Variants in PIP4K2A observed in about 807,000 individuals in gnomAD.
The protein encoded by PIP4K2A is phosphatidylinositol-5-phosphate 4-kinase type 2 alpha, also known as phosphatidylinositol 5-phosphate 4-kinase type-2 alpha.
Under a neutral mutation model 42.9 loss-of-function variants are expected in PIP4K2A, and 14 were observed. The ratio of observed to expected loss-of-function variants is 0.33; its 90% CI spans 0.22 to 0.51. The LOEUF (loss-of-function observed/expected upper bound fraction) is 0.51, where lower values mean the gene tolerates loss of function less well. Ranked by LOEUF, PIP4K2A falls within the 20% of genes least tolerant of loss-of-function variation. The probability of loss-of-function intolerance (pLI) is 0.97; values close to 1 mark genes in which losing one functional copy is unlikely to be tolerated. For missense variants in PIP4K2A, 434 were observed against 519.8 expected (o/e 0.83, Z 1.61); for synonymous variants, 192 against 192.2 (o/e 1.00, Z 0.01).
Position 22,602,427 on chromosome 10 carries a change from GAAAGAA to G in PIP4K2A, c.339+5494_339+5499del, listed in dbSNP as rs751658470. On this transcript the variant is annotated intron_variant, in intron 3 of 9. Coordinates refer to ENST00000376573, the MANE Select transcript of PIP4K2A (RefSeq NM_005028.5). Reference sequence around the variant, plus strand: ...AAAAAAGAAAAGAAAAGAAAAGAAAGAAAGAAAAAGAAAAAAGAAAAGAAAAGAAAA... The same window carrying G: ...AAAAAAGAAAAGAAAAGAAAAGAAAGAAAGAAAAAAGAAAAGAAAAGAAAA... 8.6e-4 allele frequency among the ~76,000 whole-genome samples: 130 copies of G among 150,458 alleles called. 1 individual carries two copies. In the Middle Eastern group the frequency reaches 0.021, roughly 24 times the overall value.
At chr10:22,702,954 T>C (rs1024623492) in intron 1 of PIP4K2A, among the ~76,000 whole-genome samples, 3 of 152,182 alleles carry the variant, frequency 2.0e-5, no homozygotes, top group Admixed American at 2.0e-4. Context: ...GCAATAAAAA[T>C]GTACACAACT....
chr10:22,663,285 G>T (rs1015877318), intron 1 of PIP4K2A, among the ~76,000 whole-genome samples: 1 of 152,300 alleles, frequency 6.6e-6, no homozygotes, highest in East Asian at 1.9e-4. Flanking sequence ...GTAGTAAATC[G>T]AGGCTTAGTT....
chr10:22,584,959 C>T (rs540516651), intron 4 of PIP4K2A, among the ~76,000 whole-genome samples: 1 of 152,142 alleles, frequency 6.6e-6, no homozygotes, highest in African/African-American at 2.4e-5. Flanking sequence ...CTGTCACTCA[C>T]CGGGGGCACA....
At chr10:22,654,551 C>T (rs1349665965) in intron 1 of PIP4K2A, among the ~76,000 whole-genome samples, 3 of 152,060 alleles carry the variant, frequency 2.0e-5, no homozygotes, top group African/African-American at 7.2e-5. Context: ...TTAATAAGAC[C>T]AAACAGTGCT....
chr10:22,542,103 T>G, intron 7 of PIP4K2A, 56 bp from the exon 8 acceptor site: 1 of 1,496,598 alleles, frequency 6.7e-7, no homozygotes, highest in South Asian at 1.3e-5. Context: ...AAAGCCAACA[T>G]TTAAAGGAGA....
rs556910455 is a variant in PIP4K2A, at chr10:22,664,193, A to G, written c.144+49990T>C. On this transcript the variant is annotated intron_variant, in intron 1 of 9. Transcript: ENST00000376573. ...CATATATATATATACATATATATAC[A>G]TATATATATACATATATATATATAC... 1.6e-3 allele frequency among the ~76,000 whole-genome samples: 104 copies of G among 65,678 alleles called. 4 individuals carry two copies. Among genetic ancestry groups the G allele is most frequent in the African/African-American group, 3.4e-3 (29 of 8,576 alleles). 43.1% of individuals were successfully genotyped at this position (65,678 alleles called of 152,430 possible).
intron 9 of PIP4K2A, among the ~76,000 whole-genome samples, chr10:22,538,803 G>A (rs940960700): frequency 7.2e-6 from 1 of 138,498 alleles, no homozygotes; most frequent in Non-Finnish European, 1.6e-5. Flanking sequence ...GTGCTCGGGG[G>A]CGGTGAGGTC....
In PIP4K2A at chr10:22,692,217, C is replaced by G. The variant is rs144090575; in HGVS notation, c.144+21966G>C. On this transcript the variant is annotated intron_variant, in intron 1 of 9. Coordinates refer to ENST00000376573, the MANE Select transcript of PIP4K2A (RefSeq NM_005028.5). Reference sequence around the variant, plus strand: ...TTAGATTTTCATAAGGAGTGAGTAACCTAGATTGCTCACGTGTGCAGTTCA... The same window carrying G: ...TTAGATTTTCATAAGGAGTGAGTAAGCTAGATTGCTCACGTGTGCAGTTCA... Among the ~76,000 whole-genome samples the G allele has an allele frequency of 1.7e-3, 251 of 151,814 alleles. 2 individuals carry two copies. The highest frequency in any genetic ancestry group is 5.8e-3 in the African/African-American group (242 of 41,372).
chr10:22,606,665 T>C (rs1333514007), intron 3 of PIP4K2A, among the ~76,000 whole-genome samples: 1 of 152,214 alleles, frequency 6.6e-6, no homozygotes, highest in Non-Finnish European at 1.5e-5. Flanking sequence ...GACCCTATTC[T>C]TCAGAGGAAA....
chr10:22,613,054 A>C (rs926768564), intron 1 of PIP4K2A, among the ~76,000 whole-genome samples: 4 of 152,182 alleles, frequency 2.6e-5, no homozygotes, highest in Admixed American at 2.6e-4. Flanking sequence ...CCATCGAGGC[A>C]GGAAGTGAAA....
At chr10:22,653,809 G>A (rs1221462995) in intron 1 of PIP4K2A, among the ~76,000 whole-genome samples, 1 of 152,176 alleles carries the variant, frequency 6.6e-6, no homozygotes, top group Non-Finnish European at 1.5e-5. Context: ...AGAAGGCGGA[G>A]GTTGCAGTGA....
At chr10:22,557,808 GA>G (rs1322384262) in intron 6 of PIP4K2A, among the ~76,000 whole-genome samples, 10 of 152,208 alleles carry the variant, frequency 6.6e-5, no homozygotes, top group Admixed American at 6.5e-4. Context: ...ACTGGAAATA[GA>G]AAATACATGA....
At chr10:22,538,682 G>C (rs1032660323) in intron 9 of PIP4K2A, among the ~76,000 whole-genome samples, 1 of 152,222 alleles carries the variant, frequency 6.6e-6, no homozygotes, top group African/African-American at 2.4e-5. Flanking sequence ...TCCTGAACTG[G>C]CCTCAGAAAT....
chr10:22,704,294 CA>C (rs1035498846), intron 1 of PIP4K2A, among the ~76,000 whole-genome samples: 3 of 149,860 alleles, frequency 2.0e-5, no homozygotes, highest in East Asian at 3.9e-4. Flanking sequence ...AAACAAGAGA[CA>C]AAAAAAAAGG....
At chr10:22,547,100 G>A (rs146051795) in intron 7 of PIP4K2A, among the ~76,000 whole-genome samples, 1 of 152,122 alleles carries the variant, frequency 6.6e-6, no homozygotes, top group East Asian at 1.9e-4. Flanking sequence ...AGATCTTTAC[G>A]AGTCTAAGAC....
Position 22,714,376 on chromosome 10 carries a change from C to G in PIP4K2A, c.-50G>C, listed in dbSNP as rs769580929. On this transcript the variant is annotated 5_prime_UTR_variant, in exon 1 of 10. Coordinates refer to ENST00000376573, the MANE Select transcript of PIP4K2A (RefSeq NM_005028.5). ...CGCCGTGCTCCCGAGGCCGGGGACC[C>G]GCCCTCTCTACACCCCGGCCCGGGG... 8 of 1,439,056 alleles carry G rather than the reference C, an allele frequency of 5.6e-6. No individual in the cohort carries two copies. The East Asian group carries it at 2.0e-4, about 36-fold the overall frequency. The allele number at this position is 1,439,056 out of a possible 1,614,324, so 89.1% of individuals were successfully genotyped here.
intron 1 of PIP4K2A, among the ~76,000 whole-genome samples, chr10:22,646,557 CA>C (rs1157961653): frequency 6.6e-6 from 1 of 151,222 alleles, no homozygotes; most frequent in East Asian, 1.9e-4. Context: ...GTATGGATGG[CA>C]AAAAAAACAC....
At chr10:22,652,669 G>A (rs988912058) in intron 1 of PIP4K2A, among the ~76,000 whole-genome samples, 2 of 152,194 alleles carry the variant, frequency 1.3e-5, no homozygotes, top group African/African-American at 4.8e-5. Context: ...CTGTCACTGT[G>A]TGGTAAATTC....
At chr10:22,640,517 G>A (rs963331289) in intron 1 of PIP4K2A, among the ~76,000 whole-genome samples, 10 of 152,276 alleles carry the variant, frequency 6.6e-5, no homozygotes, top group African/African-American at 2.4e-5. Context: ...AAGACCCACC[G>A]CCCCACAAAG....
Sources: allele counts gnomAD v4.1 joint callset (sites outside exome capture counted in the v4.1 genomes callset), GRCh38; gene constraint gnomAD v4.1.1; transcripts MANE v1.5; gene names NCBI Gene and HGNC (gene_info 2026-07-23, HGNC 2026-07-21).